The following PBX1 variants were observed in gnomAD, a reference collection of about 807,000 sequenced individuals.
PBX1 encodes pre-B-cell leukemia transcription factor 1.
In PBX1, 6 loss-of-function variants were observed where a neutral mutation model predicts 53.4. That is an observed-to-expected ratio of 0.11 (90% CI 0.06 to 0.22). The LOEUF (loss-of-function observed/expected upper bound fraction) is 0.22. PBX1 is among the 10% of genes least tolerant of loss of function. The pLI is 1.00. For missense variants in PBX1, 251 were observed against 551.4 expected (o/e 0.46, Z 5.46); for synonymous variants, 204 against 212.3 (o/e 0.96, Z 0.34).
intron 2 of PBX1, among the ~76,000 whole-genome samples, chr1:164,597,480 G>A (rs1655851810): frequency 6.6e-6 from 1 of 152,170 alleles, no homozygotes; most frequent in Non-Finnish European, 1.5e-5. Context: ...ATTTGGGGGT[G>A]CAGAGATAAT....
intron 2 of PBX1, among the ~76,000 whole-genome samples, chr1:164,648,459 C>T (rs1659596416): frequency 2.0e-5 from 3 of 152,250 alleles, no homozygotes; most frequent in African/African-American, 7.2e-5. Context: ...CACATGCCAG[C>T]TACCGTTGTA....
At chr1:164,647,628 G>A (rs1284152410) in intron 2 of PBX1, among the ~76,000 whole-genome samples, 1 of 152,040 alleles carries the variant, frequency 6.6e-6, no homozygotes, top group African/African-American at 2.4e-5. Context: ...TTTTTTTAAT[G>A]TTATGCATAA....
At chr1:164,583,141 C>T (rs1654731447) in intron 2 of PBX1, among the ~76,000 whole-genome samples, 1 of 152,150 alleles carries the variant, frequency 6.6e-6, no homozygotes, top group Admixed American at 6.5e-5. Flanking sequence ...TTATATTGTA[C>T]TCTAGCTGGA....
chr1:164,644,335 AG>A (rs1659322607), intron 2 of PBX1, among the ~76,000 whole-genome samples: 4 of 152,188 alleles, frequency 2.6e-5, no homozygotes, highest in Admixed American at 2.6e-4. Flanking sequence ...CCAACTGTAC[AG>A]AAAAAAGTAA....
At chr1:164,765,095 A>T (rs115533835) in intron 2 of PBX1, among the ~76,000 whole-genome samples, 317 of 152,260 alleles carry the variant, frequency 2.1e-3, no homozygotes, top group African/African-American at 7.0e-3. Flanking sequence ...GCGGCCACAT[A>T]TATGGTTGTC....
chr1:164,660,248 T>C (rs1660406214), intron 2 of PBX1, among the ~76,000 whole-genome samples: 1 of 152,228 alleles, frequency 6.6e-6, no homozygotes, highest in Non-Finnish European at 1.5e-5. Context: ...AAGGGAATGT[T>C]GTCTAAACCT....
At chr1:164,595,993 CTGT>C (rs1345201734) in intron 2 of PBX1, among the ~76,000 whole-genome samples, 1 of 151,944 alleles carries the variant, frequency 6.6e-6, no homozygotes, top group African/African-American at 2.4e-5. Context: ...AAAAGAAAGT[CTGT>C]TGTTTCAGTC....
At chr1:164,816,341 T>G (rs1282025177) in intron 6 of PBX1, 1 of 152,162 alleles carries the variant, frequency 6.6e-6, no homozygotes, top group Non-Finnish European at 1.5e-5. Context: ...AAAAAGGGCC[T>G]ATCCTTTGAG....
At chr1:164,885,515 A>C (rs906538764) in intron 2 of PBX1, among the ~76,000 whole-genome samples, 3 of 152,140 alleles carry the variant, frequency 2.0e-5, no homozygotes, top group African/African-American at 7.2e-5. Context: ...CATAGTATAG[A>C]GTGTTTCTAG....
At chr1:164,598,432 G>T (rs1016463958) in intron 2 of PBX1, among the ~76,000 whole-genome samples, 2 of 152,266 alleles carry the variant, frequency 1.3e-5, no homozygotes, top group South Asian at 4.1e-4. Flanking sequence ...GTCTTCCATT[G>T]TCTTAGGGCT....
intron 2 of PBX1, among the ~76,000 whole-genome samples, chr1:164,646,681 A>T (rs1434392420): frequency 1.3e-5 from 2 of 152,194 alleles, no homozygotes; most frequent in East Asian, 3.9e-4. Context: ...GCTCGTTGAG[A>T]GGAGAGAGTT....
intron 8 of PBX1, among the ~76,000 whole-genome samples, chr1:164,839,380 C>T (rs1279169291): frequency 6.6e-6 from 1 of 152,190 alleles, no homozygotes; most frequent in Non-Finnish European, 1.5e-5. Flanking sequence ...TAATTAAAAA[C>T]TAAGTGATTA....
chr1:164,636,329 T>TGA (rs960283950), intron 2 of PBX1, among the ~76,000 whole-genome samples: 13 of 152,304 alleles, frequency 8.5e-5, no homozygotes, highest in African/African-American at 3.1e-4. Flanking sequence ...CATTTCTACA[T>TGA]GACCATCTTG....
chr1:164,792,467 C>T, intron 2 of PBX1, 27 bp from the exon 3 acceptor site: 1 of 1,611,980 alleles, frequency 6.2e-7, no homozygotes, highest in South Asian at 1.1e-5. Context: ...TTACTATTAA[C>T]GCTCCCTTCC....
intron 2 of PBX1, among the ~76,000 whole-genome samples, chr1:164,637,966 A>G (rs1411989770): frequency 6.6e-6 from 1 of 152,232 alleles, no homozygotes; most frequent in Non-Finnish European, 1.5e-5. Flanking sequence ...CCAAAGGGAT[A>G]CTTTCTGATT....
At chr1:164,873,009 C>T (rs934470729) in intron 2 of PBX1, among the ~76,000 whole-genome samples, 2 of 152,158 alleles carry the variant, frequency 1.3e-5, no homozygotes, top group Non-Finnish European at 2.9e-5. Context: ...ATTTCATTGT[C>T]CTTTCACTCC....
chr1:164,792,611 C>T lies in PBX1; in HGVS notation c.383C>T (p.Ala128Val), dbSNP rs1210943507. The T allele has an allele frequency of 1.2e-6, 2 of 1,613,244 alleles. No homozygotes were observed. The highest frequency in any genetic ancestry group is 2.2e-5 in the East Asian group (1 of 44,864). ...CCTGAGAAGGGCGGAGGGTCGGCGGCAGCGGCGGCAGCGGCGGCGGCTTCT... is the reference window on the plus strand; with the variant it reads ...CCTGAGAAGGGCGGAGGGTCGGCGGTAGCGGCGGCAGCGGCGGCGGCTTCT... ...AGPEKGGGSA[A>V]AAAAAAASGG... The change falls in exon 3 of 9, where the codon GCA becomes GTA. Residue 128 changes from alanine to valine, a missense_variant. This residue lies in a region of PBX1 where 76 missense variants were observed against 197.5 expected (regional missense o/e 0.38). Coordinates refer to ENST00000420696, the MANE Select transcript of PBX1 (RefSeq NM_002585.4).
At chr1:164,580,879 C>G (rs947596213) in intron 2 of PBX1, among the ~76,000 whole-genome samples, 6 of 152,072 alleles carry the variant, frequency 3.9e-5, no homozygotes, top group African/African-American at 1.4e-4. Flanking sequence ...GCACCTGGCT[C>G]TAGAATCCAC....
At chr1:164,604,598 C>T (rs772242841) in intron 2 of PBX1, among the ~76,000 whole-genome samples, 15 of 152,274 alleles carry the variant, frequency 9.9e-5, no homozygotes, top group Admixed American at 3.9e-4. Flanking sequence ...TCCTGAGAGC[C>T]GTTGCCTATG....
Sources: gnomAD v4.1 joint callset for allele counts (sites outside exome capture counted in the v4.1 genomes callset) on GRCh38, gnomAD v4.1.1 for gene constraint, gnomAD v4.1.1 regional missense constraint, MANE v1.5 for transcripts, NCBI Gene and HGNC (gene_info 2026-07-23, HGNC 2026-07-21) for gene names.